PPP3CA: variants seen among roughly 807,000 people sequenced by gnomAD.
PPP3CA encodes protein phosphatase 3 catalytic subunit alpha, also known as CAM-PRP catalytic subunit.
PPP3CA carries 14 observed loss-of-function variants against 66.5 expected under a neutral mutation model. That is an observed-to-expected ratio of 0.21 (90% confidence interval 0.14 to 0.33). PPP3CA has a LOEUF of 0.33. PPP3CA is among the 10% of genes least tolerant of loss of function. The pLI, the probability that PPP3CA is intolerant of heterozygous loss-of-function variation, is 1.00. For synonymous variants in PPP3CA, 232 were observed against 226.2 expected (o/e 1.03, Z -0.23); for missense variants, 317 against 639.5 (o/e 0.50, Z 5.44).
intron 1 of PPP3CA, among the ~76,000 whole-genome samples, chr4:101,284,414 T>G (rs1727773705): frequency 1.3e-5 from 2 of 152,154 alleles, no homozygotes; most frequent in South Asian, 4.1e-4. Flanking sequence ...AATTTTCTGG[T>G]TTTTTACACA....
intron 2 of PPP3CA, 87 bp from the exon 3 acceptor site, chr4:101,109,165 T>A: frequency 7.5e-7 from 1 of 1,328,098 alleles, no homozygotes; most frequent in East Asian, 2.5e-5. Flanking sequence ...GAACCAGAAT[T>A]AATTTCAAGT....
At chr4:101,152,129 ATTTC>A in intron 2 of PPP3CA, among the ~76,000 whole-genome samples, 1 of 152,332 alleles carries the variant, frequency 6.6e-6, no homozygotes, top group East Asian at 1.9e-4. Flanking sequence ...AGTATTCTAA[ATTTC>A]TTTCTAAATA....
intron 1 of PPP3CA, among the ~76,000 whole-genome samples, chr4:101,222,739 T>C (rs1410631120): frequency 1.3e-5 from 2 of 151,690 alleles, no homozygotes; most frequent in Non-Finnish European, 3.0e-5. Flanking sequence ...GGATCTACTC[T>C]TAATCAATAA....
chr4:101,248,400 G>C (rs1266147146), intron 1 of PPP3CA, among the ~76,000 whole-genome samples: 1 of 152,042 alleles, frequency 6.6e-6, no homozygotes, highest in African/African-American at 2.4e-5. Flanking sequence ...GGCAATTTTT[G>C]AATTAAAAGG....
chr4:101,257,612 A>G (rs560680710), intron 1 of PPP3CA, among the ~76,000 whole-genome samples: 1 of 152,134 alleles, frequency 6.6e-6, no homozygotes, highest in East Asian at 1.9e-4. Flanking sequence ...ATGCTCTATA[A>G]AGTGCTACTT....
At chr4:101,177,168 G>C (rs1724089129) in intron 2 of PPP3CA, among the ~76,000 whole-genome samples, 1 of 152,094 alleles carries the variant, frequency 6.6e-6, no homozygotes, top group Non-Finnish European at 1.5e-5. Flanking sequence ...TCATCATATG[G>C]TGGGAAGTTA....
At chr4:101,157,081 G>C (rs1320057213) in intron 2 of PPP3CA, among the ~76,000 whole-genome samples, 2 of 152,156 alleles carry the variant, frequency 1.3e-5, no homozygotes, top group African/African-American at 4.8e-5. Flanking sequence ...ACAGAGTTAT[G>C]AGGTCGGTTT....
intron 11 of PPP3CA, among the ~76,000 whole-genome samples, chr4:101,034,920 T>C (rs1324481425): frequency 6.6e-6 from 1 of 152,134 alleles, no homozygotes; most frequent in Non-Finnish European, 1.5e-5. Context: ...TTTTGCCTCA[T>C]GAGTGATTAT....
chr4:101,126,678 T>C (rs1722255354), intron 2 of PPP3CA, among the ~76,000 whole-genome samples: 1 of 152,160 alleles, frequency 6.6e-6, no homozygotes, highest in Non-Finnish European at 1.5e-5. Context: ...CTCATATTTA[T>C]CCACCAGTAA....
At chr4:101,294,270 G>A (rs1441902925) in intron 1 of PPP3CA, among the ~76,000 whole-genome samples, 1 of 152,200 alleles carries the variant, frequency 6.6e-6, no homozygotes, top group African/African-American at 2.4e-5. Flanking sequence ...TCATAATCCA[G>A]TACTAACGTG....
chr4:101,287,121 T>TA (rs1194420724), intron 1 of PPP3CA, among the ~76,000 whole-genome samples: 1 of 152,156 alleles, frequency 6.6e-6, no homozygotes, highest in Non-Finnish European at 1.5e-5. Flanking sequence ...TTTTAATGTT[T>TA]AAAAATTAAA....
intron 1 of PPP3CA, among the ~76,000 whole-genome samples, chr4:101,239,494 A>G (rs3804397): frequency 0.85 from 129,182 of 152,054 alleles, 55,558 homozygotes; most frequent in African/African-American, 0.96. Flanking sequence ...GTATAGGACA[A>G]GACCTAAGGA....
At chr4:101,123,433 A>T (rs781213759) in intron 2 of PPP3CA, among the ~76,000 whole-genome samples, 27 of 152,180 alleles carry the variant, frequency 1.8e-4, no homozygotes, top group Non-Finnish European at 3.4e-4. Flanking sequence ...CATGAAAGGG[A>T]ATGTTGCTCA....
At chr4:101,297,858 T>C (rs1728244839) in intron 1 of PPP3CA, among the ~76,000 whole-genome samples, 1 of 152,220 alleles carries the variant, frequency 6.6e-6, no homozygotes, top group Non-Finnish European at 1.5e-5. Flanking sequence ...TGATTGGGTT[T>C]TCATGCCTTA....
At chr4:101,243,253 A>G (rs145090195) in intron 1 of PPP3CA, among the ~76,000 whole-genome samples, 2 of 152,336 alleles carry the variant, frequency 1.3e-5, no homozygotes, top group East Asian at 3.9e-4. Flanking sequence ...GTTTGTGTGC[A>G]CACACATGCA....
chr4:101,265,983 T>C (rs1243854595), intron 1 of PPP3CA, among the ~76,000 whole-genome samples: 2 of 152,186 alleles, frequency 1.3e-5, no homozygotes, highest in African/African-American at 2.4e-5. Flanking sequence ...TTATGGAATT[T>C]ACATGTTACT....
chr4:101,336,855 T>C (rs1483323654), intron 1 of PPP3CA, among the ~76,000 whole-genome samples: 1 of 152,136 alleles, frequency 6.6e-6, no homozygotes, highest in African/African-American at 2.4e-5. Context: ...GAGAGGGAGT[T>C]CCACATTAGA....
At chr4:101,180,853 G>C (rs746955788) in intron 2 of PPP3CA, among the ~76,000 whole-genome samples, 5 of 151,986 alleles carry the variant, frequency 3.3e-5, no homozygotes, top group Non-Finnish European at 4.4e-5. Context: ...AGGCAACATA[G>C]TGAGTCTCTA....
At chr4:101,054,984 T>G (rs1356077615) in intron 10 of PPP3CA, among the ~76,000 whole-genome samples, 2 of 152,120 alleles carry the variant, frequency 1.3e-5, no homozygotes, top group Non-Finnish European at 2.9e-5. Flanking sequence ...TTTCTTTCCT[T>G]TCTCATTCTA....
Sources: gnomAD v4.1 joint callset for allele counts (sites outside exome capture counted in the v4.1 genomes callset) on GRCh38, gnomAD v4.1.1 for gene constraint, MANE v1.5 for transcripts, NCBI Gene and HGNC (gene_info 2026-07-23, HGNC 2026-07-21) for gene names.